Variants in MARK3 observed in about 807,000 individuals in gnomAD.
MARK3 encodes microtubule affinity regulating kinase 3, also known as MAP/microtubule affinity-regulating kinase 3.
A neutral mutation model predicts 90.1 loss-of-function variants in MARK3; 46 were observed. The ratio of observed to expected loss-of-function variants is 0.51; its 90% confidence interval spans 0.40 to 0.65. The LOEUF (loss-of-function observed/expected upper bound fraction) is 0.65, where lower values mean the gene tolerates loss of function less well. MARK3 is among the 30% of genes least tolerant of loss of function. MARK3 has a pLI of 0.00. For synonymous variants in MARK3, 321 were observed against 332.6 expected (o/e 0.97, Z 0.38); for missense variants, 818 against 947.2 (o/e 0.86, Z 1.79).
intron 1 of MARK3, among the ~76,000 whole-genome samples, chr14:103,394,890 G>A (rs1595440992): frequency 1.3e-5 from 2 of 151,976 alleles, no homozygotes; most frequent in Admixed American, 1.3e-4. Context: ...TCAAGTGATT[G>A]TCCTGCCTCA....
chr14:103,386,034 C>T lies in MARK3; in HGVS notation c.5C>T (p.Ser2Phe), dbSNP rs754098782. 3 of 1,613,678 alleles carry T rather than the reference C, an allele frequency of 1.9e-6. No homozygotes were observed. The highest frequency in any genetic ancestry group is 2.5e-6 in the Non-Finnish European group (3 of 1,179,650). M[S>F]TRTPLPTVNE... is the part of the protein sequence containing the mutation. ...GCAGAATTAAAGTGCAGTAAAATGT[C>T]CACTAGGACCCCATTGCCAACGGTG... is the stretch of plus-strand genomic sequence containing the variant. The change falls in exon 1 of 18, where the codon TCC becomes TTC. Residue 2 changes from serine to phenylalanine, a missense_variant. By Grantham distance (155) the Ser-to-Phe change is radical (BLOSUM62 -2). Around this residue, in one of 3 missense-constraint regions of MARK3, gnomAD observed 157 missense variants for 158.7 expected, o/e 0.99. Coordinates refer to ENST00000429436, the MANE Select transcript of MARK3 (RefSeq NM_001128918.3).
chr14:103,470,316 A>G (rs2093600188), intron 12 of MARK3, among the ~76,000 whole-genome samples: 1 of 152,102 alleles, frequency 6.6e-6, no homozygotes, highest in Non-Finnish European at 1.5e-5. Context: ...ACCAGGCTCT[A>G]CAGTTGCTCT....
In MARK3 at chr14:103,426,392, G is replaced by A. The variant is rs568357099; in HGVS notation, c.244-1995G>A. 3.3e-5 allele frequency among the ~76,000 whole-genome samples: 5 copies of A among 152,082 alleles called. No homozygotes were observed. The South Asian group carries it at 1.0e-3, about 32-fold the overall frequency. On this transcript the variant is annotated intron_variant, in intron 2 of 17. Transcript: ENST00000429436. ...AAAAGTGTAAAAGGGACCAAAAAGT[G>A]TGAGAATGTTTGATGTAGAGAAACT... is the stretch of plus-strand genomic sequence containing the variant.
chr14:103,419,100 AACAT>A (rs1270159277), intron 2 of MARK3, among the ~76,000 whole-genome samples: 1 of 152,166 alleles, frequency 6.6e-6, no homozygotes, highest in African/African-American at 2.4e-5. Flanking sequence ...CATCCTGGCT[AACAT>A]GGTGAAACCC....
chr14:103,468,682 CTCTTA>C (rs2093566120), intron 12 of MARK3, among the ~76,000 whole-genome samples: 1 of 152,044 alleles, frequency 6.6e-6, no homozygotes, highest in African/African-American at 2.4e-5. Flanking sequence ...TACTTCAAGG[CTCTTA>C]TCTTCTTTAT....
rs1838329645 is a variant in MARK3 at position 103,491,790 on chromosome 14, C to A, written c.1600C>A (p.Gln534Lys). ...CTGATCTCATAGCACTATTCCTGAT[C>A]AGAGAACTCCAGTTGCTTCAACACA... ...NGKENSTIPD[Q>K]RTPVASTHSI... The change falls in exon 15 of 18, where the codon CAG (glutamine) becomes AAG (lysine). Residue 534 changes from glutamine to lysine, a missense_variant. Physicochemically the swap from Gln to Lys is moderately conservative, Grantham distance 53. Around this residue, in one of 3 missense-constraint regions of MARK3, gnomAD observed 560 missense variants for 613.5 expected, o/e 0.91. Transcript: ENST00000429436. 1 of 1,613,966 alleles carries A rather than the reference C, an allele frequency of 6.2e-7. No homozygotes were observed. Among genetic ancestry groups the A allele is most frequent in the South Asian group, 1.1e-5 (1 of 91,078 alleles).
At chr14:103,431,523 C>G (rs953028926) in intron 3 of MARK3, among the ~76,000 whole-genome samples, 1 of 152,110 alleles carries the variant, frequency 6.6e-6, no homozygotes, top group Non-Finnish European at 1.5e-5. Flanking sequence ...CCCAGCTTCT[C>G]AGGAGGCTGA....
At chr14:103,390,142 G>GGAGGCT (rs977933558) in intron 1 of MARK3, among the ~76,000 whole-genome samples, 2 of 151,880 alleles carry the variant, frequency 1.3e-5, no homozygotes, top group Admixed American at 1.3e-4. Context: ...CAGCTACTCG[G>GGAGGCT]GAGGCTGAGG....
Position 103,385,611 on chromosome 14 carries a change from C to T in MARK3, c.-419C>T, listed in dbSNP as rs2089726490. ...CCACTTCCTTCACATCCTCCTCCGC[C>T]TCCTCGTTTTCAGGCGCCGCCGGCG... On this transcript the variant is annotated 5_prime_UTR_variant, in exon 1 of 18. Transcript: ENST00000429436. The T allele has an allele frequency of 6.1e-6, 1 of 163,198 alleles. No homozygotes were observed. The highest frequency in any genetic ancestry group is 1.3e-5 in the Non-Finnish European group (1 of 75,716). The allele number at this position is 163,198 out of a possible 1,614,324, so 10.1% of individuals were successfully genotyped here. A position where few individuals can be genotyped will look rare whatever the true frequency, so the allele number is the denominator to read the frequency against.
chr14:103,491,657 A>G, intron 14 of MARK3, 120 bp from the exon 15 acceptor site: 1 of 1,070,772 alleles, frequency 9.3e-7, no homozygotes, highest in Non-Finnish European at 1.3e-6. Flanking sequence ...AGTCCTATAA[A>G]ATACCCCTTG....
intron 14 of MARK3, among the ~76,000 whole-genome samples, chr14:103,481,643 G>A (rs956481049): frequency 0.011 from 7 of 630 alleles, no homozygotes; most frequent in South Asian, 0.25. Flanking sequence ...TATGACTCGT[G>A]TGTGTGTGTG....
At chr14:103,426,512 C>G (rs138253667) in intron 2 of MARK3, among the ~76,000 whole-genome samples, 174 of 152,168 alleles carry the variant, frequency 1.1e-3, no homozygotes, top group African/African-American at 4.0e-3. Flanking sequence ...GGAAGCACAG[C>G]CTCTTTGATC....
chr14:103,435,868 A>G (rs2092703620), intron 3 of MARK3, among the ~76,000 whole-genome samples: 1 of 151,780 alleles, frequency 6.6e-6, no homozygotes, highest in Non-Finnish European at 1.5e-5. Flanking sequence ...ATAGGCGCGC[A>G]CCACCACACC....
At chr14:103,387,393 A>G (rs1049391249) in intron 1 of MARK3, among the ~76,000 whole-genome samples, 8 of 152,344 alleles carry the variant, frequency 5.3e-5, no homozygotes, top group Admixed American at 2.0e-4. Flanking sequence ...AAAATTATAT[A>G]AAGAGTGAGT....
chr14:103,473,310 G>C (rs2141720639), intron 12 of MARK3, among the ~76,000 whole-genome samples: 2 of 152,334 alleles, frequency 1.3e-5, no homozygotes. Context: ...AAAGAGTATA[G>C]AATGAGATAC....
intron 3 of MARK3, among the ~76,000 whole-genome samples, chr14:103,435,703 C>T (rs8003740): frequency 0.33 from 50,010 of 151,788 alleles, 8,591 homozygotes; most frequent in East Asian, 0.49. Context: ...CCACCACGCC[C>T]GGCCTATTTA....
intron 2 of MARK3, among the ~76,000 whole-genome samples, chr14:103,420,756 C>T (rs570811690): frequency 1.2e-4 from 18 of 152,210 alleles, no homozygotes; most frequent in East Asian, 3.9e-4. Flanking sequence ...ATCAGTACAG[C>T]GCTTTGGTAA....
intron 14 of MARK3, among the ~76,000 whole-genome samples, chr14:103,485,724 TA>T (rs2093916931): frequency 6.6e-6 from 1 of 152,138 alleles, no homozygotes; most frequent in South Asian, 2.1e-4. Flanking sequence ...TTAAGTGGAT[TA>T]ATGTTTTAGA....
chr14:103,472,921 G>A (rs2093654174), intron 12 of MARK3, among the ~76,000 whole-genome samples: 6 of 151,548 alleles, frequency 4.0e-5, no homozygotes, highest in South Asian at 4.2e-4. Context: ...CAGGAGAATC[G>A]CTTGAACCTG....
Sources: gnomAD v4.1 joint callset for allele counts (sites outside exome capture counted in the v4.1 genomes callset) on GRCh38, gnomAD v4.1.1 for gene constraint, gnomAD v4.1.1 regional missense constraint, MANE v1.5 for transcripts, NCBI Gene and HGNC (gene_info 2026-07-23, HGNC 2026-07-21) for gene names.